The following MTUS2 variants were observed in gnomAD, a reference collection of about 807,000 sequenced individuals.
The protein encoded by MTUS2 is microtubule-associated tumor suppressor candidate 2.
MTUS2 carries 40 observed loss-of-function variants against 114.1 expected under a neutral mutation model. The ratio of observed to expected loss-of-function variants is 0.35; its 90% CI spans 0.27 to 0.46. MTUS2 has a LOEUF of 0.46. MTUS2 is among the 20% of genes least tolerant of loss of function. The pLI is 1.00. For missense variants in MTUS2, 1,679 were observed against 1,705.4 expected, an observed-to-expected ratio of 0.98 and a Z score of 0.27; for synonymous variants, 688 against 672.0, an observed-to-expected ratio of 1.02 and a Z score of -0.37.
chr13:28,901,498 TGTAA>T (rs1879640420), intron 2 of MTUS2, among the ~76,000 whole-genome samples: 1 of 152,232 alleles, frequency 6.6e-6, no homozygotes, highest in South Asian at 2.1e-4. Flanking sequence ...AGGTCTCACA[TGTAA>T]GTAGTCCATG....
chr13:29,127,002 C>T (rs1891547175), intron 5 of MTUS2, among the ~76,000 whole-genome samples: 1 of 152,216 alleles, frequency 6.6e-6, no homozygotes, highest in African/African-American at 2.4e-5. Flanking sequence ...CCAGCCTCTG[C>T]CCCAGGTGCT....
intron 7 of MTUS2, among the ~76,000 whole-genome samples, chr13:29,358,074 A>G (rs147646192): frequency 2.6e-4 from 40 of 152,316 alleles, no homozygotes; most frequent in Middle Eastern, 3.4e-3. Context: ...TTGAAATATT[A>G]GTGGATTTAT....
At chr13:28,894,959 A>G (rs916563539) in intron 2 of MTUS2, among the ~76,000 whole-genome samples, 1 of 152,262 alleles carries the variant, frequency 6.6e-6, no homozygotes, top group Admixed American at 6.5e-5. Context: ...CCACAGTAGC[A>G]ATAAAAGAAG....
Position 29,492,710 on chromosome 13 carries a change from G to C in MTUS2, c.3570G>C (p.Leu1190=), listed in dbSNP as rs752413944. 4 of 1,612,594 alleles carry C rather than the reference G, an allele frequency of 2.5e-6. No homozygotes were observed. Among genetic ancestry groups the C allele is most frequent in the Admixed American group, 1.7e-5 (1 of 59,996 alleles). The change falls in exon 12 of 16, where the codon CTG becomes CTC. Residue 1190 remains leucine, a synonymous_variant. Coordinates refer to ENST00000612955, the MANE Select transcript of MTUS2 (RefSeq NM_001033602.4). ...ELEENFEKLR[L]SLQDQVDTLT... is the part of the protein sequence containing the mutation. ...AAGAAAATTTTGAAAAACTGCGGCTGTCATTGCAGGTTAGTATTTCTTTAA... is the reference window on the plus strand; with the variant it reads ...AAGAAAATTTTGAAAAACTGCGGCTCTCATTGCAGGTTAGTATTTCTTTAA...
chr13:29,105,476 A>G (rs1034570343), intron 5 of MTUS2, among the ~76,000 whole-genome samples: 2 of 152,232 alleles, frequency 1.3e-5, no homozygotes, highest in Non-Finnish European at 2.9e-5. Context: ...GAAAATAGCT[A>G]TCAAAGAAGT....
chr13:29,165,351 A>G (rs1467609498), intron 5 of MTUS2, among the ~76,000 whole-genome samples: 1 of 152,096 alleles, frequency 6.6e-6, no homozygotes, highest in African/African-American at 2.4e-5. Flanking sequence ...ACCACACGTA[A>G]CACCCTCATC....
chr13:29,285,128 T>G (rs1235076816), intron 6 of MTUS2, among the ~76,000 whole-genome samples: 4 of 149,502 alleles, frequency 2.7e-5, no homozygotes, highest in Non-Finnish European at 5.9e-5. Context: ...AGTTTGAATA[T>G]CAATAAGATT....
chr13:29,171,033 G>C (rs556893327), intron 5 of MTUS2, among the ~76,000 whole-genome samples: 1 of 152,142 alleles, frequency 6.6e-6, no homozygotes, highest in South Asian at 2.1e-4. Context: ...TTTTCCAACT[G>C]TTTTCTCTGT....
chr13:29,457,332 C>G (rs974883156), intron 9 of MTUS2, among the ~76,000 whole-genome samples: 7 of 151,962 alleles, frequency 4.6e-5, no homozygotes, highest in African/African-American at 1.7e-4. Flanking sequence ...TCTAAAGCAA[C>G]TCCTTTCTTA....
At chr13:29,353,690 A>C (rs1445723797) in intron 7 of MTUS2, among the ~76,000 whole-genome samples, 4 of 152,202 alleles carry the variant, frequency 2.6e-5, no homozygotes, top group African/African-American at 7.2e-5. Flanking sequence ...CAGCCTTATT[A>C]GGCAGGTACT....
intron 9 of MTUS2, among the ~76,000 whole-genome samples, chr13:29,465,064 T>C (rs1166240564): frequency 6.6e-6 from 1 of 152,184 alleles, no homozygotes; most frequent in African/African-American, 2.4e-5. Context: ...GAATCACACC[T>C]ACTTCACAGA....
chr13:29,317,820 T>C lies in MTUS2; in HGVS notation c.2807-6793T>C, dbSNP rs114298791. On this transcript the variant is annotated intron_variant, in intron 6 of 15. Coordinates refer to ENST00000612955, the MANE Select transcript of MTUS2 (RefSeq NM_001033602.4). The stretch of plus-strand genomic sequence containing the variant: ...GAGATAATGTTTCCTTTCTTCATTC[T>C]ATCCAATCCCTATAAATCCTACCTT... Among the ~76,000 whole-genome samples the C allele has an allele frequency of 5.3e-3, 803 of 152,354 alleles. 9 individuals are homozygous for C. Among genetic ancestry groups the C allele is most frequent in the African/African-American group, 0.018 (765 of 41,576 alleles).
chr13:28,918,749 CCTT>C (rs1431627973), intron 2 of MTUS2, among the ~76,000 whole-genome samples: 1 of 151,872 alleles, frequency 6.6e-6, no homozygotes, highest in Non-Finnish European at 1.5e-5. Flanking sequence ...TTGTGGTCTT[CCTT>C]CTTTCCTTCC....
chr13:29,438,447 C>T (rs1376511490), intron 8 of MTUS2, among the ~76,000 whole-genome samples: 1 of 152,154 alleles, frequency 6.6e-6, no homozygotes, highest in African/African-American at 2.4e-5. Flanking sequence ...AAGATCTAGG[C>T]TCCAGCAGTT....
chr13:29,053,337 A>G, intron 4 of MTUS2, among the ~76,000 whole-genome samples: 1 of 152,190 alleles, frequency 6.6e-6, no homozygotes, highest in East Asian at 1.9e-4. Context: ...AATTCAGAGT[A>G]GTAGTACCCA....
At chr13:29,348,219 C>T (rs1868906436) in intron 7 of MTUS2, among the ~76,000 whole-genome samples, 1 of 152,102 alleles carries the variant, frequency 6.6e-6, no homozygotes, top group South Asian at 2.1e-4. Context: ...CCAGGAGCCA[C>T]CAAGACAGTC....
At chr13:29,186,076 C>T (rs779480923) in intron 5 of MTUS2, among the ~76,000 whole-genome samples, 2 of 151,988 alleles carry the variant, frequency 1.3e-5, no homozygotes, top group African/African-American at 2.4e-5. Context: ...TAACCAGGCA[C>T]GGTGGCACAT....
At chr13:29,098,914 G>T (rs1373209030) in intron 4 of MTUS2, among the ~76,000 whole-genome samples, 1 of 152,184 alleles carries the variant, frequency 6.6e-6, no homozygotes, top group Non-Finnish European at 1.5e-5. Flanking sequence ...AACTAGGTTA[G>T]AAAGGAGGTG....
At chr13:29,068,915 G>C (rs766538699) in intron 4 of MTUS2, among the ~76,000 whole-genome samples, 1 of 152,128 alleles carries the variant, frequency 6.6e-6, no homozygotes, top group Non-Finnish European at 1.5e-5. Context: ...GGATTGATAC[G>C]ATCCTCCTTC....
Sources: allele counts gnomAD v4.1 joint callset (sites outside exome capture counted in the v4.1 genomes callset), GRCh38; gene constraint gnomAD v4.1.1; transcripts MANE v1.5; gene names NCBI Gene and HGNC (gene_info 2026-07-23, HGNC 2026-07-21).